The following AFG2A variants were observed in gnomAD, a reference collection of about 807,000 sequenced individuals.
AFG2A encodes the protein AAA ATPase AFG2A.
At chr4:123,314,324 G>A in the AFG2A span, 12 of 243,284 alleles carry the variant, frequency 4.9e-5, no homozygotes, top group South Asian at 1.5e-4. Flanking sequence ...TTTCATTTGC[G>A]ACCTAGTCTG....
At chr4:123,057,404 T>A in the AFG2A span, 2 of 1,139,472 alleles carry the variant, frequency 1.8e-6, no homozygotes, top group Non-Finnish European at 2.5e-6. Context: ...ACATTTGGCC[T>A]AAAAAAGTTT....
the AFG2A span, among the ~76,000 whole-genome samples, chr4:123,131,957 T>G: frequency 6.6e-6 from 1 of 152,230 alleles, no homozygotes; most frequent in East Asian, 1.9e-4. Flanking sequence ...AACAAGGTTT[T>G]AAATTTCTGA....
the AFG2A span, among the ~76,000 whole-genome samples, chr4:123,063,551 C>A: frequency 2.0e-5 from 3 of 152,092 alleles, no homozygotes; most frequent in Non-Finnish European, 2.9e-5. Context: ...TCAAGATCAT[C>A]CTGGCTAAGA....
At chr4:123,278,573 C>T in the AFG2A span, among the ~76,000 whole-genome samples, 2 of 152,172 alleles carry the variant, frequency 1.3e-5, no homozygotes, top group South Asian at 4.2e-4. Context: ...CTTGCTAACT[C>T]TTTGATGTGA....
the AFG2A span, among the ~76,000 whole-genome samples, chr4:123,127,633 C>T: frequency 2.0e-5 from 3 of 151,878 alleles, no homozygotes; most frequent in Admixed American, 1.3e-4. Context: ...GATGGATGGC[C>T]ACTTTACATA....
chr4:123,022,053 C>T, the AFG2A span, among the ~76,000 whole-genome samples: 3 of 151,406 alleles, frequency 2.0e-5, no homozygotes, highest in Non-Finnish European at 2.9e-5. Flanking sequence ...GGATTAAAGA[C>T]TTAAACGTTA....
At chr4:123,013,460 A>G in the AFG2A span, among the ~76,000 whole-genome samples, 14 of 152,254 alleles carry the variant, frequency 9.2e-5, no homozygotes, top group South Asian at 6.2e-4. Context: ...GGATACGTGT[A>G]CAGAATGTGC....
At chr4:123,261,059 C>T in the AFG2A span, among the ~76,000 whole-genome samples, 3,839 of 152,194 alleles carry the variant, frequency 0.025, 166 homozygotes, top group African/African-American at 0.087. Context: ...AATCTAACGC[C>T]TGAGAACAGT....
At chr4:123,287,983 G>T in the AFG2A span, among the ~76,000 whole-genome samples, 1 of 152,154 alleles carries the variant, frequency 6.6e-6, no homozygotes, top group Non-Finnish European at 1.5e-5. Flanking sequence ...TTCAAGAACA[G>T]CCAGGAAGCC....
the AFG2A span, among the ~76,000 whole-genome samples, chr4:123,134,728 A>G: frequency 1.3e-5 from 2 of 152,084 alleles, no homozygotes; most frequent in East Asian, 1.9e-4. Flanking sequence ...TGGAAATCTG[A>G]ACAGACCAAT....
chr4:122,973,825 A>G, the AFG2A span, among the ~76,000 whole-genome samples: 4 of 152,172 alleles, frequency 2.6e-5, no homozygotes, highest in Admixed American at 6.5e-5. Context: ...CTATAGGCAC[A>G]TGCCACGAAG....
At chr4:123,062,560 A>G in the AFG2A span, among the ~76,000 whole-genome samples, 1 of 151,472 alleles carries the variant, frequency 6.6e-6, no homozygotes, top group Non-Finnish European at 1.5e-5. Context: ...TAAGATATAT[A>G]TAGCAATAAG....
At chr4:123,226,621 A>G in the AFG2A span, among the ~76,000 whole-genome samples, 1 of 152,164 alleles carries the variant, frequency 6.6e-6, no homozygotes, top group African/African-American at 2.4e-5. Flanking sequence ...CCAGTATTTT[A>G]TTGAAGATTT....
the AFG2A span, among the ~76,000 whole-genome samples, chr4:122,964,526 C>T: frequency 3.3e-5 from 5 of 149,540 alleles, no homozygotes; most frequent in Non-Finnish European, 7.4e-5. Flanking sequence ...AAAGTAATTG[C>T]AAAAACTGCA....
At chr4:123,234,124 G>A in the AFG2A span, among the ~76,000 whole-genome samples, 1 of 152,012 alleles carries the variant, frequency 6.6e-6, no homozygotes, top group Admixed American at 6.6e-5. Flanking sequence ...AAGCATATTT[G>A]TCTTGGCTTC....
the AFG2A span, among the ~76,000 whole-genome samples, chr4:123,123,675 C>T: frequency 4.0e-5 from 6 of 151,890 alleles, no homozygotes; most frequent in African/African-American, 7.3e-5. Flanking sequence ...CGGCCGGGCG[C>T]GGTGGCTCAC....
At chr4:123,162,522 A>G in the AFG2A span, among the ~76,000 whole-genome samples, 7 of 152,180 alleles carry the variant, frequency 4.6e-5, no homozygotes, top group East Asian at 1.9e-4. Context: ...AGGAGAATCA[A>G]TGGGCCCACT....
chr4:123,314,365 A>C, the AFG2A span: 1 of 181,162 alleles, frequency 5.5e-6, no homozygotes, highest in African/African-American at 2.3e-5. Context: ...CTTTTTCCAG[A>C]ATCTGTTTGA....
At chr4:123,195,571 T>G in the AFG2A span, among the ~76,000 whole-genome samples, 1 of 152,226 alleles carries the variant, frequency 6.6e-6, no homozygotes, top group Admixed American at 6.5e-5. Flanking sequence ...ATTATAAAAC[T>G]GATATAAAAT....
Sources: gnomAD v4.1 joint callset for allele counts (sites outside exome capture counted in the v4.1 genomes callset) on GRCh38, gnomAD v4.1.1 for gene constraint, MANE v1.5 for transcripts, NCBI Gene and HGNC (gene_info 2026-07-23, HGNC 2026-07-21) for gene names.